Variants in CDH18 observed in about 807,000 individuals in gnomAD.
CDH18 encodes cadherin 18.
Under a neutral mutation model 67.9 loss-of-function variants are expected in CDH18, and 31 were observed. That is an observed-to-expected ratio of 0.46 (90% CI 0.34 to 0.62). CDH18 has a LOEUF of 0.62. Ranked by LOEUF, CDH18 falls within the 20% of genes least tolerant of loss-of-function variation. The probability of loss-of-function intolerance (pLI) is 0.01; values close to 1 mark genes in which losing one functional copy is unlikely to be tolerated. For missense variants in CDH18, 890 were observed against 975.5 expected, an observed-to-expected ratio of 0.91 and a Z score of 1.17; for synonymous variants, 362 against 347.2, an observed-to-expected ratio of 1.04 and a Z score of -0.48.
intron 4 of CDH18, among the ~76,000 whole-genome samples, chr5:19,727,595 G>A (rs1191022158): frequency 6.6e-6 from 1 of 152,122 alleles, no homozygotes; most frequent in Non-Finnish European, 1.5e-5. Flanking sequence ...CCAGCCTGTG[G>A]CACTTTTGTA....
chr5:19,549,216 C>G (rs1736894764), intron 8 of CDH18, among the ~76,000 whole-genome samples: 1 of 152,112 alleles, frequency 6.6e-6, no homozygotes, highest in African/African-American at 2.4e-5. Flanking sequence ...TTGGCCCCAT[C>G]CACTTGGTGT....
chr5:19,789,543 A>T (rs965214230), intron 3 of CDH18, among the ~76,000 whole-genome samples: 2 of 152,218 alleles, frequency 1.3e-5, no homozygotes, highest in African/African-American at 2.4e-5. Context: ...GCTACATCTT[A>T]TAGACAAAAC....
intron 2 of CDH18, among the ~76,000 whole-genome samples, chr5:20,172,223 T>TATATACGTATATATAC (rs1554098639): frequency 6.8e-5 from 3 of 43,922 alleles, no homozygotes; most frequent in African/African-American, 3.4e-4. Context: ...TATATATATA[T>TATATACGTATATATAC]GTATATATAT....
chr5:19,653,086 T>A (rs2150276855), intron 5 of CDH18, among the ~76,000 whole-genome samples: 1 of 152,012 alleles, frequency 6.6e-6, no homozygotes, highest in Non-Finnish European at 1.5e-5. Context: ...ACCTCAGACA[T>A]CTCTTAGTTT....
Position 20,511,793 on chromosome 5 carries a change from G to A in CDH18, c.-580+63669C>T, listed in dbSNP as rs144684013. On this transcript the variant is annotated intron_variant, in intron 1 of 14. Transcript: ENST00000507958. ...CATTTACCTTTTCAGAGTTCAATGT[G>A]TTCATTCCTATACAGTGTTTTGTTT... is the stretch of plus-strand genomic sequence containing the variant. Among the ~76,000 whole-genome samples, 683 of 152,180 alleles carry A rather than the reference G, an allele frequency of 4.5e-3. 3 individuals carry two copies. The highest frequency in any genetic ancestry group is 0.016 in the African/African-American group (649 of 41,516).
chr5:19,649,633 A>C (rs1755277819), intron 5 of CDH18, among the ~76,000 whole-genome samples: 1 of 152,214 alleles, frequency 6.6e-6, no homozygotes, highest in African/African-American at 2.4e-5. Context: ...TAAAATGGTC[A>C]ATATATCAAG....
chr5:19,751,274 A>T (rs1245583480), intron 3 of CDH18, among the ~76,000 whole-genome samples: 4 of 152,220 alleles, frequency 2.6e-5, no homozygotes, highest in Non-Finnish European at 4.4e-5. Flanking sequence ...AATAACTTTA[A>T]AAAGTTAAGA....
At chr5:20,105,793 T>C (rs1177437964) in intron 2 of CDH18, among the ~76,000 whole-genome samples, 1 of 152,224 alleles carries the variant, frequency 6.6e-6, no homozygotes, top group African/African-American at 2.4e-5. Context: ...ATGCATATGC[T>C]ACATTTTGCT....
intron 1 of CDH18, chr5:20,305,775 T>A: frequency 3.7e-6 from 1 of 267,488 alleles, no homozygotes; most frequent in Non-Finnish European, 7.1e-6. Flanking sequence ...ATTTTGTAAC[T>A]CGAATCTACC....
chr5:19,486,489 A>G (rs1193720417), intron 11 of CDH18, among the ~76,000 whole-genome samples: 1 of 152,042 alleles, frequency 6.6e-6, no homozygotes, highest in African/African-American at 2.4e-5. Flanking sequence ...TGCGATATAC[A>G]ATGGTTAAAA....
intron 6 of CDH18, among the ~76,000 whole-genome samples, chr5:19,601,689 C>CA (rs1397810945): frequency 6.6e-6 from 1 of 151,866 alleles, no homozygotes; most frequent in Middle Eastern, 3.2e-3. Context: ...AATATTAATA[C>CA]AAAAATTATT....
At chr5:19,797,705 T>C (rs1363410129) in intron 3 of CDH18, among the ~76,000 whole-genome samples, 1 of 152,036 alleles carries the variant, frequency 6.6e-6, no homozygotes, top group East Asian at 1.9e-4. Context: ...TAAATTAAGA[T>C]ATTACATTTA....
intron 2 of CDH18, among the ~76,000 whole-genome samples, chr5:19,842,913 A>G (rs963551522): frequency 1.3e-5 from 2 of 152,130 alleles, no homozygotes; most frequent in Non-Finnish European, 2.9e-5. Flanking sequence ...CAGCAAAGAG[A>G]CTGGTGCCAT....
intron 2 of CDH18, among the ~76,000 whole-genome samples, chr5:20,080,747 A>G (rs561358199): frequency 6.6e-6 from 1 of 152,100 alleles, no homozygotes; most frequent in South Asian, 2.1e-4. Flanking sequence ...AGGAGGGGGA[A>G]ATAATGTAAA....
intron 2 of CDH18, among the ~76,000 whole-genome samples, chr5:19,918,267 C>A (rs890450469): frequency 6.6e-6 from 1 of 152,142 alleles, no homozygotes; most frequent in Non-Finnish European, 1.5e-5. Flanking sequence ...TTGACTGTCA[C>A]AAGTTAGTAC....
chr5:20,538,090 C>T (rs925586675), intron 1 of CDH18, among the ~76,000 whole-genome samples: 8 of 119,808 alleles, frequency 6.7e-5, no homozygotes, highest in Non-Finnish European at 1.5e-4. Flanking sequence ...GTTTACTTGC[C>T]AATAGAAAGA....
At chr5:20,162,053 A>G (rs1735929028) in intron 2 of CDH18, among the ~76,000 whole-genome samples, 2 of 152,122 alleles carry the variant, frequency 1.3e-5, no homozygotes, top group South Asian at 2.1e-4. Flanking sequence ...CACTGAAATT[A>G]TAATTAACTG....
chr5:20,464,333 C>T (rs373378970), intron 1 of CDH18, among the ~76,000 whole-genome samples: 1 of 152,086 alleles, frequency 6.6e-6, no homozygotes, highest in African/African-American at 2.4e-5. Flanking sequence ...TGAGGAAGTA[C>T]GTGTGAATTG....
chr5:20,250,524 C>T (rs1316876073), intron 2 of CDH18, among the ~76,000 whole-genome samples: 2 of 148,596 alleles, frequency 1.3e-5, no homozygotes, highest in African/African-American at 5.0e-5. Flanking sequence ...ATCTGTTGAC[C>T]TCGTGATCCG....
Sources: gnomAD v4.1 joint callset for allele counts (sites outside exome capture counted in the v4.1 genomes callset) on GRCh38, gnomAD v4.1.1 for gene constraint, MANE v1.5 for transcripts, NCBI Gene and HGNC (gene_info 2026-07-23, HGNC 2026-07-21) for gene names.